IFI44L: variants seen among roughly 807,000 people sequenced by gnomAD.
IFI44L encodes interferon induced protein 44 like.
IFI44L carries 40 observed loss-of-function variants against 39.3 expected under a neutral mutation model. The ratio of observed to expected loss-of-function variants is 1.02; its 90% CI spans 0.79 to 1.33. The LOEUF is 1.33. IFI44L is among the 40% of genes most tolerant of loss of function. IFI44L has a pLI of 0.00. For missense variants in IFI44L, 623 were observed against 549.0 expected (o/e 1.13, Z -1.35); for synonymous variants, 198 against 182.3 (o/e 1.09, Z -0.69).
chr1:78,624,464 G>A (rs1368609189), intron 1 of IFI44L, among the ~76,000 whole-genome samples: 1 of 152,114 alleles, frequency 6.6e-6, no homozygotes, highest in East Asian at 1.9e-4. Context: ...AATCTTCTTA[G>A]ATTTGTTAAG....
At position 78,645,582 on chromosome 1, in the gene IFI44L, C is replaced by A. The variant is rs1301145425; in HGVS notation, c.*3773C>A. ...CTGATGAATAATCATCTCCTAGCAACATAACTCAATCTAATGCTAAGGTAC... is the reference window on the plus strand; with the variant it reads ...CTGATGAATAATCATCTCCTAGCAAAATAACTCAATCTAATGCTAAGGTAC... On this transcript the variant is annotated 3_prime_UTR_variant, in exon 9 of 9. Coordinates refer to ENST00000370751, the MANE Select transcript of IFI44L (RefSeq NM_006820.4). 6.6e-6 allele frequency: 1 copy of A among 152,130 alleles called. No individual in the cohort carries two copies. The highest frequency in any genetic ancestry group is 1.5e-5 in the Non-Finnish European group (1 of 68,020). The allele number at this position is 152,130 out of a possible 1,614,324, so 9.4% of individuals were successfully genotyped here. A position where few individuals can be genotyped will look rare whatever the true frequency, so the allele number is the denominator to read the frequency against.
chr1:78,621,391 C>A (rs1652268478), intron 1 of IFI44L, among the ~76,000 whole-genome samples: 1 of 152,130 alleles, frequency 6.6e-6, no homozygotes, highest in Admixed American at 6.5e-5. Flanking sequence ...TGTGCCTCAG[C>A]CTCCCAAGTA....
chr1:78,635,967 CT>C (rs772798804), intron 5 of IFI44L: 2,397 of 122,916 alleles, frequency 0.02, 7 homozygotes, highest in Middle Eastern at 0.029. Context: ...CTCTCTCGGT[CT>C]TTTTTTTTTT....
At chr1:78,621,266 C>G (rs754003834) in intron 1 of IFI44L, among the ~76,000 whole-genome samples, 3 of 152,146 alleles carry the variant, frequency 2.0e-5, no homozygotes, top group East Asian at 3.9e-4. Flanking sequence ...ATCTATGACT[C>G]TCTACTATAT....
chr1:78,628,275 TA>T lies in IFI44L; in HGVS notation c.361del (p.Ile121PhefsTer12). On this transcript the variant is annotated frameshift_variant, in exon 2 of 9. Coordinates refer to ENST00000370751, the MANE Select transcript of IFI44L (RefSeq NM_006820.4). LOFTEE classifies it high-confidence loss of function. ...QLVCRLSKTD[I>X]FIICRDNKIY... ...TGGTGTGTCGTTTATCGAAAACGGA[TA>T]TTTTCATTATATGTCGAGATAATAA... is the stretch of plus-strand genomic sequence containing the variant. 6.2e-7 allele frequency: 1 copy of T among 1,608,402 alleles called. No individual in the cohort carries two copies. The highest frequency in any genetic ancestry group is 8.5e-7 in the Non-Finnish European group (1 of 1,175,822).
chr1:78,637,296 C>T (rs1652986248), intron 6 of IFI44L, 93 bp downstream of exon 6: 12 of 924,634 alleles, frequency 1.3e-5, no homozygotes, highest in Non-Finnish European at 1.6e-5. Context: ...TCCCATGTAC[C>T]TTTCATCCTA....
At chr1:78,629,054 A>C (rs2100485582) in intron 3 of IFI44L, 55 bp downstream of exon 3, 2 of 1,058,284 alleles carry the variant, frequency 1.9e-6, no homozygotes, top group East Asian at 4.8e-5. Context: ...CAATTGTATA[A>C]AGAATGCTGA....
rs754630565 is a variant in IFI44L, at chr1:78,641,801, T to G, written c.1351T>G (p.Cys451Gly). 1 of 1,613,692 alleles carries G rather than the reference T, an allele frequency of 6.2e-7. No homozygotes were observed. The highest frequency in any genetic ancestry group is 8.5e-7 in the Non-Finnish European group (1 of 1,179,636). Residue 451 changes from cysteine (C) to glycine (G), a missense_variant, in exon 9 of 9, where the codon TGC becomes GGC. Cys to Gly is a radical substitution (Grantham distance 159, BLOSUM62 -3). Coordinates refer to ENST00000370751, the MANE Select transcript of IFI44L (RefSeq NM_006820.4). ...TGAIERALQP[C>G]I ...TGCAATTGAGAGAGCGTTACAGCCC[T>G]GCATTTGAGATAAGTTGCCTTGATT... is the stretch of plus-strand genomic sequence containing the variant.
At chr1:78,634,478 C>T (rs1459946496) in intron 4 of IFI44L, among the ~76,000 whole-genome samples, 1 of 151,972 alleles carries the variant, frequency 6.6e-6, no homozygotes, top group African/African-American at 2.4e-5. Flanking sequence ...GAATATTATA[C>T]CCAGTAAAGC....
At chr1:78,629,463 T>C (rs961433414) in intron 3 of IFI44L, among the ~76,000 whole-genome samples, 5 of 152,182 alleles carry the variant, frequency 3.3e-5, no homozygotes, top group Non-Finnish European at 5.9e-5. Context: ...AGACTAATAG[T>C]TGAAAAATGG....
intron 4 of IFI44L, 56 bp from the exon 5 acceptor site, chr1:78,635,281 T>C: frequency 6.0e-6 from 8 of 1,329,918 alleles, no homozygotes; most frequent in Non-Finnish European, 8.5e-6. Context: ...CTTATTGTCA[T>C]GTCTTGAATG....
rs772971673 is a variant in IFI44L at position 78,629,719 on chromosome 1, G to A, written c.528-1G>A. On this transcript the variant is annotated splice_acceptor_variant, in intron 3 of 8. Transcript: ENST00000370751. LOFTEE classifies it high-confidence loss of function. ...TGTATTTAACCACTATATTTTAACA[G>A]GCACAGAAATAGGCTTCTAGCAGAC... is the stretch of plus-strand genomic sequence containing the variant. The A allele has an allele frequency of 3.1e-6, 5 of 1,605,592 alleles. No individual in the cohort carries two copies. Among genetic ancestry groups the A allele is most frequent in the South Asian group, 2.2e-5 (2 of 89,758 alleles).
chr1:78,641,191 G>T, intron 7 of IFI44L, 70 bp downstream of exon 7: 1 of 1,085,864 alleles, frequency 9.2e-7, no homozygotes. Context: ...GTGTTTGTGT[G>T]TGTCTGTACG....
chr1:78,627,400 T>C (rs1436297552), intron 1 of IFI44L: 1 of 152,078 alleles, frequency 6.6e-6, no homozygotes, highest in Non-Finnish European at 1.5e-5. Flanking sequence ...GGCTCCATTT[T>C]CTAATTCATA....
chr1:78,629,895 A>G lies in IFI44L; in HGVS notation c.703A>G (p.Ile235Val), dbSNP rs756569805. ...VTGQAVVGSD[I>V]TSITERYRIY... ...TGGCCAAGCCGTAGTGGGGTCTGAT[A>G]TCACCAGCATAACCGAGCGGGTAAG... Residue 235 changes from isoleucine to valine, a missense_variant, in exon 4 of 9, where the codon ATC becomes GTC. Ile to Val is a conservative substitution (Grantham distance 29). Transcript: ENST00000370751. 1 of 1,613,368 alleles carries G rather than the reference A, an allele frequency of 6.2e-7. No homozygotes were observed. The highest frequency in any genetic ancestry group is 8.5e-7 in the Non-Finnish European group (1 of 1,179,560).
intron 4 of IFI44L, chr1:78,630,293 A>G (rs1652701174): frequency 1.9e-5 from 1 of 51,508 alleles, no homozygotes. Context: ...ATGTAAGGTA[A>G]TTTTTTTTAA....
Position 78,641,781 on chromosome 1 carries a change from T to A in IFI44L, c.1331T>A (p.Ile444Asn). The A allele has an allele frequency of 1.2e-6, 2 of 1,613,712 alleles. No individual in the cohort carries two copies. The highest frequency in any genetic ancestry group is 4.5e-5 in the East Asian group (2 of 44,876). Reference sequence around the variant, plus strand: ...TTGTTTGTTTCATTTTCAGGTGCAATTGAGAGAGCGTTACAGCCCTGCATT... The same window carrying A: ...TTGTTTGTTTCATTTTCAGGTGCAAATGAGAGAGCGTTACAGCCCTGCATT... ...EDLPLEETGA[I>N]ERALQPCI Residue 444 changes from isoleucine (I) to asparagine (N), a missense_variant, in exon 9 of 9, where the codon ATT (isoleucine) becomes AAT (asparagine). Transcript: ENST00000370751.
rs766482271 is a variant in IFI44L, at chr1:78,635,407, G to A, written c.794G>A (p.Gly265Glu). 1.2e-6 allele frequency: 2 copies of A among 1,613,296 alleles called. No homozygotes were observed. The highest frequency in any genetic ancestry group is 8.5e-7 in the Non-Finnish European group (1 of 1,179,414). Reference sequence around the variant, plus strand: ...CCATTTATGTTGTGTGACACTATGGGGCTAGATGGGGCAGAAGGAGCAGGA... The same window carrying A: ...CCATTTATGTTGTGTGACACTATGGAGCTAGATGGGGCAGAAGGAGCAGGA... ...SLPFMLCDTM[G>E]LDGAEGAGLC... The change falls in exon 5 of 9, where the codon GGG (glycine) becomes GAG (glutamate). Residue 265 changes from glycine (G) to glutamate (E), a missense_variant. Transcript: ENST00000370751.
chr1:78,623,871 C>G (rs2100471893), intron 1 of IFI44L, among the ~76,000 whole-genome samples: 1 of 152,188 alleles, frequency 6.6e-6, no homozygotes, highest in African/African-American at 2.4e-5. Flanking sequence ...TGCCTTTTTG[C>G]TCTATTTGGG....
Sources: allele counts gnomAD v4.1 joint callset (sites outside exome capture counted in the v4.1 genomes callset), GRCh38; gene constraint gnomAD v4.1.1; transcripts MANE v1.5; gene names NCBI Gene and HGNC (gene_info 2026-07-23, HGNC 2026-07-21).